Variants in TRPC7 observed in about 807,000 individuals in gnomAD.
TRPC7 encodes the protein transient receptor potential cation channel subfamily C member 7.
In TRPC7, 42 loss-of-function variants were observed where a neutral mutation model predicts 90.1. That is an observed-to-expected ratio of 0.47 (90% CI 0.36 to 0.60). The LOEUF (loss-of-function observed/expected upper bound fraction) is 0.60, where lower values mean the gene tolerates loss of function less well. Ranked by LOEUF, TRPC7 falls within the 20% of genes least tolerant of loss-of-function variation. TRPC7 has a pLI of 0.00. For missense variants in TRPC7, 955 were observed against 1,112.3 expected, an observed-to-expected ratio of 0.86 and a Z score of 2.01; for synonymous variants, 451 against 436.3, an observed-to-expected ratio of 1.03 and a Z score of -0.42.
At chr5:136,299,300 CAAA>C (rs202095828) in intron 3 of TRPC7, among the ~76,000 whole-genome samples, 3 of 105,012 alleles carry the variant, frequency 2.9e-5, no homozygotes, top group African/African-American at 7.1e-5. Flanking sequence ...AATTCTGTCT[CAAA>C]AAAAAAAAAA....
intron 3 of TRPC7, among the ~76,000 whole-genome samples, chr5:136,287,237 G>A (rs1757750159): frequency 6.6e-6 from 1 of 152,126 alleles, no homozygotes; most frequent in Admixed American, 6.5e-5. Flanking sequence ...AGGTGGCCAG[G>A]AGAGCTCTGT....
At chr5:136,214,966 A>C (rs1195625199) in intron 11 of TRPC7, among the ~76,000 whole-genome samples, 1 of 152,206 alleles carries the variant, frequency 6.6e-6, no homozygotes, top group African/African-American at 2.4e-5. Context: ...CCAAACAGTG[A>C]AAATAATATA....
intron 8 of TRPC7, among the ~76,000 whole-genome samples, chr5:136,230,834 C>T (rs1755792196): frequency 6.6e-6 from 1 of 152,132 alleles, no homozygotes; most frequent in South Asian, 2.1e-4. Context: ...GTCTCTGTCC[C>T]CACACCACTC....
intron 5 of TRPC7, among the ~76,000 whole-genome samples, chr5:136,252,173 T>C (rs1226429741): frequency 6.6e-6 from 1 of 152,174 alleles, no homozygotes; most frequent in African/African-American, 2.4e-5. Context: ...TGCTGACATT[T>C]ATACACTTTA....
At chr5:136,295,928 T>C (rs1758153755) in intron 3 of TRPC7, among the ~76,000 whole-genome samples, 1 of 152,234 alleles carries the variant, frequency 6.6e-6, no homozygotes, top group Non-Finnish European at 1.5e-5. Flanking sequence ...GCTAGTTCCC[T>C]TTCCTGTATA....
chr5:136,261,178 A>ATC (rs1756847553), intron 5 of TRPC7, among the ~76,000 whole-genome samples: 1 of 152,110 alleles, frequency 6.6e-6, no homozygotes, highest in Non-Finnish European at 1.5e-5. Flanking sequence ...GCTCAAATCT[A>ATC]TCTCTCAGTT....
intron 3 of TRPC7, among the ~76,000 whole-genome samples, chr5:136,306,100 G>T (rs1380497741): frequency 6.6e-6 from 1 of 152,046 alleles, no homozygotes. Context: ...CCCTGCTCTT[G>T]TTTACACTGC....
chr5:136,343,625 T>C (rs1447972813), intron 2 of TRPC7, among the ~76,000 whole-genome samples: 1 of 152,224 alleles, frequency 6.6e-6, no homozygotes, highest in Admixed American at 6.5e-5. Context: ...CATTTCTTCC[T>C]GGGTCTTAAG....
At chr5:136,283,515 C>T (rs7723665) in intron 3 of TRPC7, among the ~76,000 whole-genome samples, 28,075 of 152,052 alleles carry the variant, frequency 0.18, 4,144 homozygotes, top group African/African-American at 0.4. Context: ...AATTCTAAGA[C>T]GAGAATTACT....
intron 2 of TRPC7, among the ~76,000 whole-genome samples, chr5:136,342,356 G>T (rs1759871273): frequency 6.6e-6 from 1 of 152,230 alleles, no homozygotes; most frequent in South Asian, 2.1e-4. Context: ...GAGGGGTGCA[G>T]ACTGCTGGGT....
chr5:136,234,348 G>A (rs1057215707), intron 7 of TRPC7, among the ~76,000 whole-genome samples: 2 of 150,932 alleles, frequency 1.3e-5, no homozygotes, highest in Non-Finnish European at 2.9e-5. Flanking sequence ...CACTCTTGTC[G>A]CCCAGGCTGG....
chr5:136,258,610 G>A (rs544977487), intron 5 of TRPC7, among the ~76,000 whole-genome samples: 7 of 152,342 alleles, frequency 4.6e-5, no homozygotes, highest in African/African-American at 1.7e-4. Context: ...GAAGTGCCAG[G>A]AAGCCTCAAG....
rs1471824087 is a variant in TRPC7, at chr5:136,353,610, A to AT, written c.780+2997_780+2998insA. On this transcript the variant is annotated intron_variant, in intron 2 of 11. Transcript: ENST00000513104. ...GCTGCTCTCCTCTGAGAAGATTTAT[A>AT]ATGTCAGGAATGCACATATAAGGCT... Among the ~76,000 whole-genome samples the AT allele has an allele frequency of 3.3e-5, 5 of 152,184 alleles. 1 individual carries two copies. Among genetic ancestry groups the AT allele is most frequent in the Non-Finnish European group, 5.9e-5 (4 of 68,034 alleles).
rs969246605 is a variant in TRPC7, at chr5:136,311,387, C to T, written c.963+4210G>A. 2.6e-5 allele frequency among the ~76,000 whole-genome samples: 4 copies of T among 152,184 alleles called. No individual in the cohort carries two copies. In the East Asian group the frequency reaches 5.8e-4, roughly 22 times the overall value. ...CAACAACTCTGTCTGGGTCTCTGTT[C>T]CCTGTCACTAAGCACTGACCACATG... On this transcript the variant is annotated intron_variant, in intron 3 of 11. Transcript: ENST00000513104.
rs144276068 is a variant in TRPC7, at chr5:136,307,396, CTT to C, written c.963+8199_963+8200del. On this transcript the variant is annotated intron_variant, in intron 3 of 11. Transcript: ENST00000513104. ...ATAAGTGAGATCATGTGGTATTTGT[CTT>C]TCTGAGGCTGAGGCACTGGTGCTTT... Among the ~76,000 whole-genome samples the C allele has an allele frequency of 9.2e-3, 1,395 of 152,222 alleles. 19 individuals are homozygous for C. Among genetic ancestry groups the C allele is most frequent in the African/African-American group, 0.032 (1,323 of 41,528 alleles).
intron 3 of TRPC7, among the ~76,000 whole-genome samples, chr5:136,296,031 G>T (rs941653566): frequency 2.6e-5 from 4 of 152,130 alleles, no homozygotes; most frequent in Admixed American, 2.6e-4. Context: ...TGTGTAGAAA[G>T]TTCTATATCA....
intron 5 of TRPC7, among the ~76,000 whole-genome samples, chr5:136,259,515 C>A (rs1756787328): frequency 6.6e-6 from 1 of 152,222 alleles, no homozygotes; most frequent in African/African-American, 2.4e-5. Flanking sequence ...ATGGAGAAAT[C>A]TCATGCGTTA....
Position 136,356,682 on chromosome 5 carries a change from C to A in TRPC7, c.706G>T (p.Glu236Ter). ...ASAAYLSLSS[E>*]DPVLTALELS... ...TCCAGGGCGGTGAGGACAGGGTCTT[C>A]GCTGGACAGGGACAAGTAGGCAGCA... The change falls in exon 2 of 12, where the codon GAA becomes TAA. Residue 236 changes from glutamate (E) to a stop codon, truncating the protein, a stop_gained. Coordinates refer to ENST00000513104, the MANE Select transcript of TRPC7 (RefSeq NM_020389.3). LOFTEE classifies it high-confidence loss of function. 6.2e-7 allele frequency: 1 copy of A among 1,603,926 alleles called. No homozygotes were observed. Among genetic ancestry groups the A allele is most frequent in the East Asian group, 2.2e-5 (1 of 44,704 alleles).
At chr5:136,214,636 C>T (rs1257878566) in intron 11 of TRPC7, among the ~76,000 whole-genome samples, 1 of 152,166 alleles carries the variant, frequency 6.6e-6, no homozygotes, top group Non-Finnish European at 1.5e-5. Flanking sequence ...GCTGGCCTGA[C>T]ACTTGGCCAT....
Sources: gnomAD v4.1 joint callset for allele counts (sites outside exome capture counted in the v4.1 genomes callset) on GRCh38, gnomAD v4.1.1 for gene constraint, MANE v1.5 for transcripts, NCBI Gene and HGNC (gene_info 2026-07-23, HGNC 2026-07-21) for gene names.